GTF2IRD1: variants seen among roughly 807,000 people sequenced by gnomAD.
GTF2IRD1 encodes the protein GTF2I repeat domain containing 1.
A neutral mutation model predicts 113.2 loss-of-function variants in GTF2IRD1; 26 were observed. That is an observed-to-expected ratio of 0.23 (90% CI 0.17 to 0.32). The LOEUF (loss-of-function observed/expected upper bound fraction) is 0.32, where lower values mean the gene tolerates loss of function less well. Ranked by LOEUF, GTF2IRD1 falls within the 10% of genes least tolerant of loss-of-function variation. GTF2IRD1 has a pLI of 1.00. For missense variants in GTF2IRD1, 864 were observed against 1,280.8 expected (o/e 0.67, Z 4.97); for synonymous variants, 484 against 529.1 (o/e 0.91, Z 1.17).
chr7:74,593,735 A>G (rs1583982448), intron 24 of GTF2IRD1, among the ~76,000 whole-genome samples: 1 of 149,150 alleles, frequency 6.7e-6, no homozygotes, highest in East Asian at 2.0e-4. Context: ...TCCATCTCAA[A>G]AAAAAAAAAA....
chr7:74,518,290 A>G lies in GTF2IRD1; in HGVS notation c.573A>G (p.Glu191=). 1 of 1,604,822 alleles carries G rather than the reference A, an allele frequency of 6.2e-7. No individual in the cohort carries two copies. The highest frequency in any genetic ancestry group is 8.5e-7 in the Non-Finnish European group (1 of 1,173,744). The change falls in exon 5 of 27, where the codon GAA becomes GAG. Residue 191 remains glutamate, a synonymous_variant. Transcript: ENST00000424337. ...CCAAGGCCCTCATGGCCATCCTGGA[A>G]CACAGCCACCGCATCCGCTTCAAGC... ...YDPKALMAIL[E]HSHRIRFKLK... is the part of the protein sequence containing the mutation.
chr7:74,560,715 G>A (rs1178626957), intron 22 of GTF2IRD1, among the ~76,000 whole-genome samples: 1 of 151,860 alleles, frequency 6.6e-6, no homozygotes, highest in African/African-American at 2.4e-5. Flanking sequence ...CCAAGTAGCT[G>A]GGATTATAGG....
intron 25 of GTF2IRD1, 133 bp from the exon 26 acceptor site, chr7:74,600,910 CA>C (rs1263001831): frequency 1.1e-6 from 1 of 939,638 alleles, no homozygotes; most frequent in Non-Finnish European, 1.6e-6. Context: ...CCCTGACCCC[CA>C]GGGGATCAGG....
At chr7:74,515,056 CAAAAA>C (rs782246030) in intron 3 of GTF2IRD1, among the ~76,000 whole-genome samples, 4 of 66,812 alleles carry the variant, frequency 6.0e-5, no homozygotes, top group South Asian at 6.2e-4. Context: ...GACTCTGTCT[CAAAAA>C]AAAAAAAAAA....
chr7:74,564,968 G>A (rs587622911), intron 22 of GTF2IRD1, among the ~76,000 whole-genome samples: 1 of 152,212 alleles, frequency 6.6e-6, no homozygotes, highest in South Asian at 2.1e-4. Flanking sequence ...TCAGGTCAAG[G>A]GAGCTGTGGG....
chr7:74,547,957 G>T (rs1251414743), intron 17 of GTF2IRD1, among the ~76,000 whole-genome samples: 1 of 152,028 alleles, frequency 6.6e-6, no homozygotes, highest in Non-Finnish European at 1.5e-5. Flanking sequence ...CTGGCGTGTT[G>T]GTGTCCTGGG....
At chr7:74,593,902 T>G (rs1419422615) in intron 24 of GTF2IRD1, among the ~76,000 whole-genome samples, 1 of 149,728 alleles carries the variant, frequency 6.7e-6, no homozygotes, top group Non-Finnish European at 1.5e-5. Flanking sequence ...AGATTCTGTC[T>G]CAAAAAATAA....
chr7:74,497,689 G>A (rs1795810321), intron 1 of GTF2IRD1, among the ~76,000 whole-genome samples: 2 of 152,014 alleles, frequency 1.3e-5, no homozygotes, highest in Non-Finnish European at 2.9e-5. Flanking sequence ...TTTTTCCTGT[G>A]TGTGGTTTTG....
intron 3 of GTF2IRD1, 105 bp downstream of exon 3, chr7:74,513,076 G>T (rs1584564554): frequency 1.8e-6 from 2 of 1,109,396 alleles, no homozygotes; most frequent in East Asian, 2.4e-5. Context: ...GTGGCGGTGT[G>T]TGGGGAGTGA....
intron 22 of GTF2IRD1, among the ~76,000 whole-genome samples, chr7:74,587,879 T>C (rs868946185): frequency 4.6e-5 from 7 of 152,214 alleles, no homozygotes; most frequent in Non-Finnish European, 8.8e-5. Context: ...GACGGTTACC[T>C]GGGCAGTGAG....
intron 1 of GTF2IRD1, among the ~76,000 whole-genome samples, chr7:74,482,435 C>G (rs1794797262): frequency 6.6e-6 from 1 of 151,748 alleles, no homozygotes; most frequent in South Asian, 2.1e-4. Flanking sequence ...TCTGTGTTGT[C>G]CAGGCTGGTC....
intron 9 of GTF2IRD1, among the ~76,000 whole-genome samples, chr7:74,532,217 TC>T (rs11287573): frequency 0.032 from 4,850 of 151,988 alleles, 231 homozygotes; most frequent in African/African-American, 0.11. Flanking sequence ...AACCCACATC[TC>T]CCCGACCCTG....
At chr7:74,523,928 C>T in intron 7 of GTF2IRD1, 143 bp from the exon 8 acceptor site, 1 of 653,958 alleles carries the variant, frequency 1.5e-6, no homozygotes. Flanking sequence ...CGTGTATGGT[C>T]CGAGGTGGGA....
chr7:74,470,155 G>A (rs1355891834), intron 1 of GTF2IRD1, among the ~76,000 whole-genome samples: 1 of 151,938 alleles, frequency 6.6e-6, no homozygotes, highest in African/African-American at 2.4e-5. Context: ...ATGCCACCAT[G>A]CCTGGCTAAT....
At chr7:74,498,122 C>T (rs2129779504) in intron 1 of GTF2IRD1, among the ~76,000 whole-genome samples, 1 of 152,138 alleles carries the variant, frequency 6.6e-6, no homozygotes, top group South Asian at 2.1e-4. Context: ...ATTTGTATAT[C>T]TTCTTAGGGG....
At chr7:74,594,009 C>G (rs782156950) in intron 24 of GTF2IRD1, among the ~76,000 whole-genome samples, 1 of 151,870 alleles carries the variant, frequency 6.6e-6, no homozygotes, top group Middle Eastern at 3.4e-3. Context: ...ACCAGCCTGG[C>G]CAACATAGTG....
In GTF2IRD1 at chr7:74,453,992, TC is replaced by T. The variant is rs1392053027; in HGVS notation, c.-183del. Reference sequence around the variant, plus strand: ...AGCGCCAGCCCCCCGGCCGGCCGATTCCCCCCCCGCGCCCCCTCCCCGCGCC... The same window carrying T: ...AGCGCCAGCCCCCCGGCCGGCCGATTCCCCCCCGCGCCCCCTCCCCGCGCC... On this transcript the variant is annotated 5_prime_UTR_variant, in exon 1 of 27. Transcript: ENST00000424337. 18 of 139,486 alleles carry T rather than the reference TC, an allele frequency of 1.3e-4. No homozygotes were observed. The highest frequency in any genetic ancestry group is 4.3e-4 in the South Asian group (2 of 4,620). 8.6% of individuals were successfully genotyped at this position (139,486 alleles called of 1,614,324 possible). A position where few individuals can be genotyped will look rare whatever the true frequency, so the allele number is the denominator to read the frequency against.
At chr7:74,544,183 TTTTGTTTG>T (rs782058303) in intron 14 of GTF2IRD1, among the ~76,000 whole-genome samples, 2 of 152,168 alleles carry the variant, frequency 1.3e-5, no homozygotes, top group African/African-American at 2.4e-5. Flanking sequence ...CTGGAAGTTT[TTTTGTTTG>T]TTTGTTTGTT....
chr7:74,526,800 G>C (rs587700197), intron 8 of GTF2IRD1, among the ~76,000 whole-genome samples: 152 of 152,242 alleles, frequency 1.0e-3, no homozygotes, highest in Non-Finnish European at 1.4e-3. Flanking sequence ...TGTGGGAGGT[G>C]GGGGGGAAGT....
Sources: gnomAD v4.1 joint callset for allele counts (sites outside exome capture counted in the v4.1 genomes callset) on GRCh38, gnomAD v4.1.1 for gene constraint, MANE v1.5 for transcripts, NCBI Gene and HGNC (gene_info 2026-07-23, HGNC 2026-07-21) for gene names.